The following EDNRB variants were observed in gnomAD, a reference collection of about 807,000 sequenced individuals.
The protein encoded by EDNRB is Hirschsprung disease 2.
A neutral mutation model predicts 46.4 loss-of-function variants in EDNRB; 18 were observed. That is an observed-to-expected ratio of 0.39 (90% CI 0.27 to 0.57). The LOEUF (loss-of-function observed/expected upper bound fraction) is 0.57, where lower values mean the gene tolerates loss of function less well. Ranked by LOEUF, EDNRB falls within the 20% of genes least tolerant of loss-of-function variation. The pLI, the probability that EDNRB is intolerant of heterozygous loss-of-function variation, is 0.61. For missense variants in EDNRB, 434 were observed against 537.5 expected, an observed-to-expected ratio of 0.81 and a Z score of 1.90; for synonymous variants, 213 against 204.9, an observed-to-expected ratio of 1.04 and a Z score of -0.34.
intron 1 of EDNRB, among the ~76,000 whole-genome samples, chr13:77,955,011 A>G (rs1881196666): frequency 1.3e-5 from 2 of 152,174 alleles, no homozygotes; most frequent in Admixed American, 1.3e-4. Context: ...ATCATATGGC[A>G]GTTCTATTTT....
At position 77,897,015 on chromosome 13, in the gene EDNRB, G is replaced by A; in HGVS notation, c.*1185C>T. The stretch of plus-strand genomic sequence containing the variant: ...TTAGTAATAAGCTTTACAGGTAGCT[G>A]TTAAATGTACTAATCTGTATGATTT... On this transcript the variant is annotated 3_prime_UTR_variant, in exon 7 of 7. Transcript: ENST00000646607. 1 of 990,552 alleles carries A rather than the reference G, an allele frequency of 1.0e-6. No homozygotes were observed. Among genetic ancestry groups the A allele is most frequent in the Non-Finnish European group, 1.2e-6 (1 of 833,592 alleles). The allele number at this position is 990,552 out of a possible 1,614,324, so 61.4% of individuals were successfully genotyped here.
intron 1 of EDNRB, among the ~76,000 whole-genome samples, chr13:77,945,890 AAAAC>A (rs1880892480): frequency 6.6e-6 from 1 of 151,560 alleles, no homozygotes; most frequent in Non-Finnish European, 1.5e-5. Flanking sequence ...AAAAAAAAAA[AAAAC>A]AAAAAAAACA....
At chr13:77,944,261 A>C (rs1377042141) in intron 1 of EDNRB, among the ~76,000 whole-genome samples, 1 of 152,172 alleles carries the variant, frequency 6.6e-6, no homozygotes, top group Non-Finnish European at 1.5e-5. Context: ...GTGCATTAGA[A>C]GATTCTTGGT....
At chr13:77,934,142 T>C (rs151081606) in intron 1 of EDNRB, among the ~76,000 whole-genome samples, 17 of 152,162 alleles carry the variant, frequency 1.1e-4, no homozygotes, top group Non-Finnish European at 2.2e-4. Flanking sequence ...GCAGGGCATG[T>C]ATGCGTAGTT....
chr13:77,919,448 C>A, upstream of EDNRB: 2 of 1,612,664 alleles, frequency 1.2e-6, no homozygotes, highest in Middle Eastern at 1.6e-4. Context: ...ACCACCTTCC[C>A]GGGAGGCGGA....
Position 77,897,656 on chromosome 13 carries a change from T to C in EDNRB, c.*544A>G. ...CTCCTGATCATTTAAATGTTTCCAG[T>C]GTCCGAAAAATGCAACAACTAAACT... On this transcript the variant is annotated 3_prime_UTR_variant, in exon 7 of 7. Transcript: ENST00000646607. The C allele has an allele frequency of 1.0e-6, 1 of 986,768 alleles. No homozygotes were observed. Among genetic ancestry groups the C allele is most frequent in the Non-Finnish European group, 1.2e-6 (1 of 831,002 alleles). The allele number at this position is 986,768 out of a possible 1,614,324, so 61.1% of individuals were successfully genotyped here.
rs552852367 is a variant in EDNRB at position 77,904,740 on chromosome 13, T to G, written c.484-1133A>C. ...ATATGGTGTGTCCCACACTGGTAAA[T>G]GAATCATTTTAGGTGAACATCTGGA... On this transcript the variant is annotated intron_variant, in intron 1 of 6. Transcript: ENST00000646607. Among the ~76,000 whole-genome samples the G allele has an allele frequency of 7.9e-5, 12 of 152,094 alleles. No individual in the cohort carries two copies. In the South Asian group the frequency reaches 1.2e-3, roughly 16 times the overall value.
chr13:77,937,846 A>G (rs530163530), intron 1 of EDNRB, among the ~76,000 whole-genome samples: 1,762 of 152,200 alleles, frequency 0.012, 19 homozygotes, highest in Admixed American at 0.018. Context: ...GACAGGCAGG[A>G]GGGAAAGAAG....
At chr13:77,970,830 T>C (rs1010764614) in intron 1 of EDNRB, among the ~76,000 whole-genome samples, 2 of 152,118 alleles carry the variant, frequency 1.3e-5, no homozygotes, top group Non-Finnish European at 2.9e-5. Flanking sequence ...CCTTAGCAAC[T>C]TTTTGTCCTA....
At chr13:77,964,538 AAACACCGCATGTTCTCACTCATAGGTGGG>A (rs1406628848) in intron 1 of EDNRB, among the ~76,000 whole-genome samples, 3 of 151,746 alleles carry the variant, frequency 2.0e-5, no homozygotes, top group African/African-American at 7.2e-5. Flanking sequence ...ACAAAAAACC[AAACACCGCATGTTCTCACTCATAGGTGGG>A]AATTGAATAA....
chr13:77,953,444 GT>G (rs2137676410), intron 1 of EDNRB, among the ~76,000 whole-genome samples: 1 of 151,962 alleles, frequency 6.6e-6, no homozygotes, highest in Admixed American at 6.6e-5. Context: ...AAATGAATCA[GT>G]CTTAAAAGGC....
intron 1 of EDNRB, among the ~76,000 whole-genome samples, chr13:77,938,267 C>G (rs1880627313): frequency 1.3e-5 from 2 of 151,624 alleles, no homozygotes; most frequent in African/African-American, 4.8e-5. Context: ...GGAAAGGAGT[C>G]AGGGCACAGA....
At chr13:77,948,901 A>G (rs569674149) in intron 1 of EDNRB, among the ~76,000 whole-genome samples, 1 of 152,318 alleles carries the variant, frequency 6.6e-6, no homozygotes, top group Admixed American at 6.5e-5. Flanking sequence ...GGGAAGTAAA[A>G]CATAAAAGAT....
chr13:77,900,909 T>C (rs1878936352), intron 4 of EDNRB, 149 bp downstream of exon 4: 12 of 974,748 alleles, frequency 1.2e-5, no homozygotes, highest in African/African-American at 3.3e-5. Flanking sequence ...TATAAAAATA[T>C]TCTTTATCTA....
At chr13:77,925,231 T>A (rs1478301958) in intron 1 of EDNRB, among the ~76,000 whole-genome samples, 1 of 152,256 alleles carries the variant, frequency 6.6e-6, no homozygotes, top group African/African-American at 2.4e-5. Flanking sequence ...ACAGGCTAAA[T>A]TATATTATTT....
At chr13:77,972,772 G>T (rs1329806563) in intron 1 of EDNRB, among the ~76,000 whole-genome samples, 1 of 152,218 alleles carries the variant, frequency 6.6e-6, no homozygotes. Flanking sequence ...AATGAGGAAA[G>T]AAGAAAGAGT....
chr13:77,895,664 A>T lies in EDNRB; in HGVS notation c.*2536T>A, dbSNP rs1005347999. ...AGTTGTTAAAAAAACTTAAATTTTTATTGGTTTTGCTTACATAATAAAAAA... is the reference window on the plus strand; with the variant it reads ...AGTTGTTAAAAAAACTTAAATTTTTTTTGGTTTTGCTTACATAATAAAAAA... On this transcript the variant is annotated 3_prime_UTR_variant, in exon 7 of 7. Coordinates refer to ENST00000646607, the MANE Select transcript of EDNRB (RefSeq NM_001122659.3). 2.0e-5 allele frequency: 3 copies of T among 152,064 alleles called. No individual in the cohort carries two copies. The highest frequency in any genetic ancestry group is 4.8e-5 in the African/African-American group (2 of 41,436). 9.4% of individuals were successfully genotyped at this position (152,064 alleles called of 1,614,324 possible). A position where few individuals can be genotyped will look rare whatever the true frequency, so the allele number is the denominator to read the frequency against.
At chr13:77,919,237 A>T, upstream of EDNRB, 1 of 780,624 alleles carries the variant, frequency 1.3e-6, no homozygotes, top group Non-Finnish European at 2.0e-6. Context: ...AAACGGCTTC[A>T]AACACTCGCG....
intron 1 of EDNRB, among the ~76,000 whole-genome samples, chr13:77,905,586 C>T (rs1027566344): frequency 2.0e-5 from 3 of 151,940 alleles, no homozygotes; most frequent in Non-Finnish European, 4.4e-5. Context: ...ACAAAAAACA[C>T]ATACATACTT....
Sources: allele counts gnomAD v4.1 joint callset (sites outside exome capture counted in the v4.1 genomes callset), GRCh38; gene constraint gnomAD v4.1.1; transcripts MANE v1.5; gene names NCBI Gene and HGNC (gene_info 2026-07-23, HGNC 2026-07-21).